The following ADAMTS17 variants were observed in gnomAD, a reference collection of about 807,000 sequenced individuals.
ADAMTS17 encodes A disintegrin and metalloproteinase with thrombospondin motifs 17.
In ADAMTS17, 113 loss-of-function variants were observed where a neutral mutation model predicts 141.5. The ratio of observed to expected loss-of-function variants is 0.80; its 90% CI spans 0.69 to 0.93. The LOEUF is 0.93. Ranked by LOEUF, ADAMTS17 falls within the 40% of genes least tolerant of loss-of-function variation. The probability of loss-of-function intolerance (pLI) is 0.00; values close to 1 mark genes in which losing one functional copy is unlikely to be tolerated. For synonymous variants in ADAMTS17, 768 were observed against 630.6 expected, an observed-to-expected ratio of 1.22 and a Z score of -3.27; for missense variants, 1,659 against 1,517.9, an observed-to-expected ratio of 1.09 and a Z score of -1.54.
intron 2 of ADAMTS17, among the ~76,000 whole-genome samples, chr15:100,334,865 C>A (rs756304464): frequency 7.2e-5 from 11 of 152,198 alleles, no homozygotes; most frequent in Non-Finnish European, 1.6e-4. Flanking sequence ...AAAAGGACTG[C>A]CAGCCTGCCC....
intron 18 of ADAMTS17, among the ~76,000 whole-genome samples, chr15:100,047,782 C>T (rs2031824268): frequency 6.6e-6 from 1 of 152,150 alleles, no homozygotes; most frequent in South Asian, 2.1e-4. Flanking sequence ...GTGGCAAATC[C>T]TCCATTCTGT....
At chr15:100,011,859 G>C (rs1245299579) in intron 18 of ADAMTS17, among the ~76,000 whole-genome samples, 1 of 152,224 alleles carries the variant, frequency 6.6e-6, no homozygotes, top group Admixed American at 6.5e-5. Context: ...CTACAAACAT[G>C]CAAGTATCTT....
chr15:100,182,241 A>G (rs1218460053), intron 8 of ADAMTS17, among the ~76,000 whole-genome samples: 1 of 152,170 alleles, frequency 6.6e-6, no homozygotes, highest in African/African-American at 2.4e-5. Flanking sequence ...CCTTTTTCAC[A>G]TGGTGGCAAG....
chr15:100,207,538 T>C (rs1298953661), intron 7 of ADAMTS17, among the ~76,000 whole-genome samples: 1 of 152,186 alleles, frequency 6.6e-6, no homozygotes, highest in Non-Finnish European at 1.5e-5. Context: ...TAATGCGCCA[T>C]GGGCTTGGCC....
intron 15 of ADAMTS17, among the ~76,000 whole-genome samples, chr15:100,085,882 C>T (rs1039462833): frequency 1.3e-5 from 2 of 152,100 alleles, no homozygotes; most frequent in African/African-American, 4.8e-5. Flanking sequence ...GTAACAGCCA[C>T]TGCAAAAACA....
intron 4 of ADAMTS17, among the ~76,000 whole-genome samples, chr15:100,279,339 T>C (rs1475330882): frequency 6.6e-6 from 1 of 152,146 alleles, no homozygotes; most frequent in Non-Finnish European, 1.5e-5. Context: ...AAGGCGCCTG[T>C]GGCCTGGGCC....
At chr15:100,167,443 C>T (rs141820880) in intron 8 of ADAMTS17, among the ~76,000 whole-genome samples, 3,204 of 152,200 alleles carry the variant, frequency 0.021, 131 homozygotes, top group East Asian at 0.18. Context: ...GTGCGGATGC[C>T]GTCATCCGTG....
chr15:99,975,325 T>G (rs2060298711), intron 21 of ADAMTS17, among the ~76,000 whole-genome samples: 2 of 152,238 alleles, frequency 1.3e-5, no homozygotes, highest in African/African-American at 4.8e-5. Context: ...TTCTCCTGCC[T>G]CAGTCACCTG....
chr15:100,000,863 G>C (rs75631477), intron 18 of ADAMTS17, among the ~76,000 whole-genome samples: 227 of 152,244 alleles, frequency 1.5e-3, no homozygotes, highest in African/African-American at 5.0e-3. Flanking sequence ...ATACAGAAGA[G>C]ACATAGTCTC....
At chr15:100,230,302 G>A (rs1322775680) in intron 7 of ADAMTS17, among the ~76,000 whole-genome samples, 1 of 152,230 alleles carries the variant, frequency 6.6e-6, no homozygotes, top group Non-Finnish European at 1.5e-5. Context: ...AGAGCGTCCA[G>A]TGGGTCTCCA....
In ADAMTS17 at chr15:100,051,697, T is replaced by C. The variant is rs2032160320; in HGVS notation, c.2330A>G (p.His777Arg). The C allele has an allele frequency of 1.2e-6, 2 of 1,614,066 alleles. No individual in the cohort carries two copies. Among genetic ancestry groups the C allele is most frequent in the African/African-American group, 1.3e-5 (1 of 74,912 alleles). Residue 777 changes from histidine to arginine, a missense_variant, in exon 17 of 22, where the codon CAT (histidine) becomes CGT (arginine). By Grantham distance (29) the His-to-Arg change is conservative (BLOSUM62 0). Transcript: ENST00000268070. ...LLFHDQDYGI[H>R]YEYTVPVNRT... Reference sequence around the variant, plus strand: ...GTTTACAGGAACAGTGTATTCATAATGAATTCCATAATCTTGGTCGTGAAA... The same window carrying C: ...GTTTACAGGAACAGTGTATTCATAACGAATTCCATAATCTTGGTCGTGAAA...
chr15:100,235,203 T>C (rs1032694841), intron 7 of ADAMTS17, among the ~76,000 whole-genome samples: 2 of 152,094 alleles, frequency 1.3e-5, no homozygotes, highest in Non-Finnish European at 2.9e-5. Flanking sequence ...CTGTCAGCAG[T>C]GGTGTGACCA....
intron 4 of ADAMTS17, among the ~76,000 whole-genome samples, chr15:100,267,124 G>A (rs74039122): frequency 0.011 from 1,650 of 151,950 alleles, 29 homozygotes; most frequent in African/African-American, 0.038. Context: ...CTCCAATACC[G>A]AAGCTCTATA....
chr15:100,274,054 A>G (rs1420035953), intron 4 of ADAMTS17, among the ~76,000 whole-genome samples: 1 of 152,158 alleles, frequency 6.6e-6, no homozygotes, highest in Non-Finnish European at 1.5e-5. Context: ...ACTTTGTATA[A>G]TATCAACCTT....
intron 13 of ADAMTS17, among the ~76,000 whole-genome samples, chr15:100,114,784 G>C (rs1369201155): frequency 6.6e-6 from 1 of 152,224 alleles, no homozygotes; most frequent in Non-Finnish European, 1.5e-5. Context: ...AAGGCTTCCT[G>C]GGTGGAGGAT....
chr15:100,319,334 G>T (rs550094600), intron 3 of ADAMTS17, among the ~76,000 whole-genome samples: 101 of 152,310 alleles, frequency 6.6e-4, no homozygotes, highest in African/African-American at 2.3e-3. Context: ...AGGGCAGGAG[G>T]GAGAACACAT....
chr15:100,096,652 T>G (rs1285446588), intron 14 of ADAMTS17, among the ~76,000 whole-genome samples, 176 bp from the exon 15 acceptor site: 1 of 152,210 alleles, frequency 6.6e-6, no homozygotes, highest in African/African-American at 2.4e-5. Flanking sequence ...ATGCACAGAA[T>G]CCAACCTAGA....
Position 99,975,289 on chromosome 15 carries a change from A to C in ADAMTS17, c.3128-727T>G, listed in dbSNP as rs139110590. Among the ~76,000 whole-genome samples the C allele has an allele frequency of 9.6e-3, 1,456 of 152,274 alleles. 32 individuals are homozygous for C. Among genetic ancestry groups the C allele is most frequent in the African/African-American group, 0.032 (1,342 of 41,548 alleles). On this transcript the variant is annotated intron_variant, in intron 21 of 21. Coordinates refer to ENST00000268070, the MANE Select transcript of ADAMTS17 (RefSeq NM_139057.4). ...CAGTGGCACGATCTCGGCTCACTAC[A>C]ACCTCTGCCTCCTGGGTTCAAGCGA...
chr15:100,070,918 C>A (rs1056259363), intron 15 of ADAMTS17, among the ~76,000 whole-genome samples: 9 of 150,026 alleles, frequency 6.0e-5, no homozygotes, highest in African/African-American at 2.0e-4. Flanking sequence ...GAAATAGAGA[C>A]ACAAAAAACC....
Sources: allele counts gnomAD v4.1 joint callset (sites outside exome capture counted in the v4.1 genomes callset), GRCh38; gene constraint gnomAD v4.1.1; transcripts MANE v1.5; gene names NCBI Gene and HGNC (gene_info 2026-07-23, HGNC 2026-07-21).